Variants in LPA observed in about 807,000 individuals in gnomAD.
LPA encodes apolipoprotein(a).
Under a neutral mutation model 197.9 loss-of-function variants are expected in LPA, and 199 were observed. That is an observed-to-expected ratio of 1.01 (90% CI 0.90 to 1.13). The LOEUF is 1.13. Among genes scored for constraint, LPA ranks in the 50% most tolerant of loss-of-function variants. LPA has a pLI of 0.00. For missense variants in LPA, 1,853 were observed against 1,785.8 expected (o/e 1.04, Z -0.68); for synonymous variants, 715 against 639.5 (o/e 1.12, Z -1.78).
At chr6:160,662,511 C>T (rs1433762254) in intron 1 of LPA, among the ~76,000 whole-genome samples, 2 of 152,144 alleles carry the variant, frequency 1.3e-5, no homozygotes, top group East Asian at 1.9e-4. Context: ...GAGAATGTGC[C>T]CCCCAGGTCG....
chr6:160,634,746 A>T (rs1340766363), intron 7 of LPA, among the ~76,000 whole-genome samples: 1 of 151,804 alleles, frequency 6.6e-6, no homozygotes, highest in African/African-American at 2.4e-5. Flanking sequence ...AATGCTGAAG[A>T]TTGCACTGAC....
At chr6:160,562,404 C>G (rs1385554609) in intron 28 of LPA, among the ~76,000 whole-genome samples, 1 of 152,174 alleles carries the variant, frequency 6.6e-6, no homozygotes, top group East Asian at 1.9e-4. Flanking sequence ...AGCCTTGCAT[C>G]CCAGGGATGA....
intron 21 of LPA, 128 bp from the exon 22 acceptor site, chr6:160,594,245 G>A (rs1779087772): frequency 1.8e-6 from 2 of 1,103,766 alleles, no homozygotes; most frequent in African/African-American, 3.1e-5. Context: ...GTACTAGCAG[G>A]CAGATGGACA....
At chr6:160,560,295 GTA>G in intron 28 of LPA, among the ~76,000 whole-genome samples, 1 of 152,262 alleles carries the variant, frequency 6.6e-6, no homozygotes, top group East Asian at 1.9e-4. Context: ...AATCCTTTGG[GTA>G]TATACCCAGT....
At chr6:160,595,271 G>T in intron 21 of LPA, 83 bp downstream of exon 21, 1 of 1,530,614 alleles carries the variant, frequency 6.5e-7, no homozygotes, top group South Asian at 1.1e-5. Context: ...TGTGAGCATG[G>T]AAGGCTTCTA....
chr6:160,653,449 C>G (rs570878172), intron 1 of LPA, among the ~76,000 whole-genome samples: 23 of 152,186 alleles, frequency 1.5e-4, no homozygotes, highest in Non-Finnish European at 4.4e-5. Flanking sequence ...CGCTCAACAA[C>G]AGAAGAAGAC....
At chr6:160,648,607 T>A (rs1481014563) in intron 2 of LPA, among the ~76,000 whole-genome samples, 2 of 152,214 alleles carry the variant, frequency 1.3e-5, no homozygotes, top group Non-Finnish European at 2.9e-5. Flanking sequence ...TGTGTATGCA[T>A]GCGTGTGTTT....
chr6:160,634,548 A>G (rs1262612592), intron 7 of LPA, among the ~76,000 whole-genome samples: 8 of 142,208 alleles, frequency 5.6e-5, no homozygotes, highest in African/African-American at 2.3e-4. Flanking sequence ...CCTCACAGGT[A>G]CAAGTGCCAT....
intron 26 of LPA, among the ~76,000 whole-genome samples, chr6:160,584,240 C>CTTCTTCTTCT (rs1562331296): frequency 2.3e-3 from 142 of 60,944 alleles, no homozygotes; most frequent in African/African-American, 3.1e-3. Flanking sequence ...CTTCTTCTTC[C>CTTCTTCTTCT]TCCTCCTCCT....
chr6:160,567,547 G>T (rs948861689), intron 28 of LPA, among the ~76,000 whole-genome samples: 1 of 152,158 alleles, frequency 6.6e-6, no homozygotes, highest in Non-Finnish European at 1.5e-5. Context: ...AAGCAGGAAA[G>T]ATCTAAAATT....
chr6:160,593,978 T>C lies in LPA; in HGVS notation c.3609A>G (p.Thr1203=), dbSNP rs1353664479. Residue 1203 remains threonine, a synonymous_variant, in exon 22 of 39, where the codon ACA becomes ACG. Transcript: ENST00000316300. ...TGTACCCATTTGGATAATATTCTGT[T>C]GTCCTCTGATGCCAGTGTGGTGTCA... ...SSMTPHWHQR[T]TEYYPNGGLT... 2.5e-6 allele frequency: 4 copies of C among 1,613,786 alleles called. No individual in the cohort carries two copies. Among genetic ancestry groups the C allele is most frequent in the African/African-American group, 2.7e-5 (2 of 74,908 alleles).
chr6:160,595,363 A>G lies in LPA; in HGVS notation c.3460T>C (p.Ser1154Pro), dbSNP rs374045640. Residue 1154 changes from serine to proline, a missense_variant, in exon 21 of 39, where the codon TCT (serine) becomes CCT (proline). By Grantham distance (74) the Ser-to-Pro change is moderately conservative. Transcript: ENST00000316300. ...GCCATAGACTTCCTACCTTCTTCAG[A>G]AGAAGCCTCTGTGCTTGGATCTGGG... ...VVPDPSTEAS[S>P]EEAPTEQSPG... The G allele has an allele frequency of 3.7e-6, 6 of 1,612,354 alleles. No homozygotes were observed. Among genetic ancestry groups the G allele is most frequent in the African/African-American group, 2.7e-5 (2 of 74,888 alleles).
intron 23 of LPA, among the ~76,000 whole-genome samples, chr6:160,590,385 A>T (rs1436264918): frequency 2.0e-5 from 3 of 152,186 alleles, no homozygotes; most frequent in Admixed American, 1.3e-4. Flanking sequence ...AATCCCTTCC[A>T]TCAAAGCCTA....
chr6:160,605,904 G>A (rs1224793650), intron 17 of LPA, among the ~76,000 whole-genome samples: 1 of 152,088 alleles, frequency 6.6e-6, no homozygotes, highest in African/African-American at 2.4e-5. Flanking sequence ...CAGAACACGG[G>A]GCAGTCACTC....
At chr6:160,610,837 T>G (rs554554813) in intron 16 of LPA, among the ~76,000 whole-genome samples, 1 of 152,140 alleles carries the variant, frequency 6.6e-6, no homozygotes, top group Admixed American at 6.5e-5. Flanking sequence ...TCATTGGCCC[T>G]CTCTCAATTC....
intron 19 of LPA, 53 bp from the exon 20 acceptor site, chr6:160,599,712 A>G: frequency 6.2e-7 from 1 of 1,603,228 alleles, no homozygotes; most frequent in Non-Finnish European, 8.5e-7. Context: ...ACAGAAAAAT[A>G]CAGGAAGCCA....
chr6:160,577,331 TG>T, intron 27 of LPA, 36 bp from the exon 28 acceptor site: 1 of 1,599,802 alleles, frequency 6.3e-7, no homozygotes. Flanking sequence ...ACTCAGTAAT[TG>T]CATGAGCAGA....
At chr6:160,598,985 G>C (rs923376009) in intron 20 of LPA, among the ~76,000 whole-genome samples, 3 of 152,162 alleles carry the variant, frequency 2.0e-5, no homozygotes, top group Admixed American at 1.3e-4. Context: ...TTATTAATAA[G>C]ATCTTCTCAA....
At chr6:160,569,775 C>T (rs1014653770) in intron 28 of LPA, among the ~76,000 whole-genome samples, 2 of 152,038 alleles carry the variant, frequency 1.3e-5, no homozygotes, top group Non-Finnish European at 2.9e-5. Context: ...AGAACATAAA[C>T]AAATTTACAA....
Sources: allele counts gnomAD v4.1 joint callset (sites outside exome capture counted in the v4.1 genomes callset), GRCh38; gene constraint gnomAD v4.1.1; transcripts MANE v1.5; gene names NCBI Gene and HGNC (gene_info 2026-07-23, HGNC 2026-07-21).